The following HSP90AA1 variants were observed in gnomAD, a reference collection of about 807,000 sequenced individuals.
HSP90AA1 encodes the protein heat shock protein 90 alpha family class A member 1, also known as heat shock protein HSP 90-alpha.
Under a neutral mutation model 73.3 loss-of-function variants are expected in HSP90AA1, and 18 were observed. That is an observed-to-expected ratio of 0.25 (90% CI 0.17 to 0.36). HSP90AA1 has a LOEUF of 0.36. Ranked by LOEUF, HSP90AA1 falls within the 10% of genes least tolerant of loss-of-function variation. HSP90AA1 has a pLI of 1.00. For synonymous variants in HSP90AA1, 477 were observed against 296.9 expected (o/e 1.61, Z -6.24); for missense variants, 704 against 874.2 (o/e 0.81, Z 2.45).
intron 1 of HSP90AA1, among the ~76,000 whole-genome samples, chr14:102,135,483 C>T (rs929968139): frequency 6.6e-6 from 1 of 152,404 alleles, no homozygotes; most frequent in East Asian, 1.9e-4. Context: ...GCAGGTGGAG[C>T]TGCCTGCCAG....
chr14:102,134,992 G>C (rs1448035595), intron 1 of HSP90AA1, among the ~76,000 whole-genome samples: 2 of 150,378 alleles, frequency 1.3e-5, no homozygotes, highest in Non-Finnish European at 2.9e-5. Flanking sequence ...GTCCCCATCA[G>C]ATTAGTTAGA....
At chr14:102,110,982 T>A (rs1295337187) in intron 1 of HSP90AA1, among the ~76,000 whole-genome samples, 1 of 152,094 alleles carries the variant, frequency 6.6e-6, no homozygotes, top group Non-Finnish European at 1.5e-5. Flanking sequence ...CCTCCCAAAG[T>A]GCTGGGATTA....
At chr14:102,090,300 G>A (rs967040452), upstream of HSP90AA1, among the ~76,000 whole-genome samples, 14 of 152,248 alleles carry the variant, frequency 9.2e-5, no homozygotes, top group Non-Finnish European at 1.8e-4. Context: ...GTCCTGTCAT[G>A]GAGAGGTTCT....
At chr14:102,126,827 C>A (rs183421161) in intron 1 of HSP90AA1, among the ~76,000 whole-genome samples, 2 of 152,268 alleles carry the variant, frequency 1.3e-5, no homozygotes, top group South Asian at 2.1e-4. Flanking sequence ...TGCGCCCGGC[C>A]GACTAGATTC....
chr14:102,097,533 G>A (rs1173328776), intron 2 of HSP90AA1, among the ~76,000 whole-genome samples: 3 of 152,190 alleles, frequency 2.0e-5, no homozygotes, highest in Non-Finnish European at 4.4e-5. Context: ...CAATGCAAGA[G>A]CAGAGGCCTT....
intron 2 of HSP90AA1, 38 bp from the exon 3 acceptor site, chr14:102,086,162 C>G: frequency 2.5e-6 from 4 of 1,613,892 alleles, no homozygotes; most frequent in Non-Finnish European, 3.4e-6. Flanking sequence ...ATACAGCACC[C>G]CCAAGAAGTT....
At chr14:102,083,430 T>G (rs1459259750) in intron 8 of HSP90AA1, 116 bp downstream of exon 8, 4 of 1,414,678 alleles carry the variant, frequency 2.8e-6, no homozygotes, top group Middle Eastern at 1.8e-4. Flanking sequence ...TTCATGTTAA[T>G]TATCTTGCCT....
intron 1 of HSP90AA1, among the ~76,000 whole-genome samples, chr14:102,107,056 G>A (rs141519359): frequency 1.3e-5 from 2 of 152,168 alleles, no homozygotes; most frequent in East Asian, 3.9e-4. Flanking sequence ...CTTAGGGGAT[G>A]ATATACAGTG....
At position 102,082,063 on chromosome 14, in the gene HSP90AA1, G is replaced by A. The variant is rs372808144; in HGVS notation, c.2089+48C>T. 5.5e-6 allele frequency: 7 copies of A among 1,267,594 alleles called. No individual in the cohort carries two copies. In the South Asian group the frequency reaches 7.3e-5, roughly 13 times the overall value. 78.5% of individuals were successfully genotyped at this position (1,267,594 alleles called of 1,614,324 possible). A position where few individuals can be genotyped will look rare whatever the true frequency, so the allele number is the denominator to read the frequency against. On this transcript the variant is annotated intron_variant, in intron 10 of 10. Coordinates refer to ENST00000216281, the MANE Select transcript of HSP90AA1 (RefSeq NM_005348.4). The stretch of plus-strand genomic sequence containing the variant: ...CTGAAAGTTCACCATTTTCTTCAAT[G>A]TCACGTGTGTTTATTTTCTTTTTAA...
Position 102,106,055 on chromosome 14 carries a change from G to A in HSP90AA1, c.156-3970C>T, listed in dbSNP as rs775347968. Reference sequence around the variant, plus strand: ...GGTGCCACTGCACTCTAGCCTGGGCGACAGAGTGAGACTCCATCTCAAAAA... The same window carrying A: ...GGTGCCACTGCACTCTAGCCTGGGCAACAGAGTGAGACTCCATCTCAAAAA... On this transcript the variant is annotated intron_variant, in intron 1 of 11. Coordinates refer to the HSP90AA1 transcript ENST00000334701. Among the ~76,000 whole-genome samples the A allele has an allele frequency of 4.0e-5, 6 of 151,860 alleles. No individual in the cohort carries two copies. In the South Asian group the frequency reaches 8.3e-4, roughly 21 times the overall value.
At chr14:102,093,739 G>A (rs1272862394) in intron 2 of HSP90AA1, among the ~76,000 whole-genome samples, 1 of 152,090 alleles carries the variant, frequency 6.6e-6, no homozygotes, top group South Asian at 2.1e-4. Context: ...TTGGGAGGCC[G>A]AGGCGAGTGG....
At chr14:102,103,760 C>T (rs1446805209) in intron 1 of HSP90AA1, among the ~76,000 whole-genome samples, 1 of 150,048 alleles carries the variant, frequency 6.7e-6, no homozygotes, top group African/African-American at 2.5e-5. Flanking sequence ...GCCAAGATCG[C>T]ACCATTGCAC....
In HSP90AA1 at chr14:102,083,817, A is replaced by G. The variant is rs1447063110; in HGVS notation, c.1314T>C (p.Tyr438=). 2 of 1,613,254 alleles carry G rather than the reference A, an allele frequency of 1.2e-6. No homozygotes were observed. Among genetic ancestry groups the G allele is most frequent in the Non-Finnish European group, 1.7e-6 (2 of 1,179,806 alleles). Residue 438 remains tyrosine (Y), a synonymous_variant, in exon 7 of 11, where the codon TAT becomes TAC. Transcript: ENST00000216281. ...CCTTTATGTTTTTAGAGAACTGCTC[A>G]TAGAATTTCTTGTAGTTCTCTTTAT... ...AEDKENYKKF[Y]EQFSKNIKLG... is the part of the protein sequence containing the mutation.
intron 1 of HSP90AA1, 74 bp from the exon 2 acceptor site, chr14:102,086,452 C>G: frequency 6.6e-7 from 1 of 1,524,464 alleles, no homozygotes; most frequent in Non-Finnish European, 9.1e-7. Context: ...ATCGCGTTCT[C>G]CAAATATTTT....
chr14:102,135,704 G>T (rs1258976520), intron 1 of HSP90AA1, among the ~76,000 whole-genome samples: 1 of 152,272 alleles, frequency 6.6e-6, no homozygotes, highest in Admixed American at 6.5e-5. Flanking sequence ...CAGCGCCGGT[G>T]GGCCGGCACT....
intron 3 of HSP90AA1, 58 bp from the exon 4 acceptor site, chr14:102,085,489 G>T: frequency 6.8e-7 from 1 of 1,480,730 alleles, no homozygotes; most frequent in Non-Finnish European, 9.4e-7. Context: ...TCAACGCCAT[G>T]CCTAACACCC....
chr14:102,109,179 C>A (rs1368752559), intron 1 of HSP90AA1, among the ~76,000 whole-genome samples: 1 of 152,104 alleles, frequency 6.6e-6, no homozygotes, highest in Non-Finnish European at 1.5e-5. Context: ...TAGTTTTGTC[C>A]ATTTCTGAAC....
chr14:102,091,908 T>C (rs943862777), upstream of HSP90AA1, among the ~76,000 whole-genome samples: 9 of 152,136 alleles, frequency 5.9e-5, no homozygotes, highest in African/African-American at 1.7e-4. Flanking sequence ...ATTACAGGTG[T>C]GAGCCACCAC....
chr14:102,086,511 G>C (rs1385394500), intron 1 of HSP90AA1, 133 bp from the exon 2 acceptor site: 2 of 1,023,506 alleles, frequency 2.0e-6, no homozygotes, highest in Non-Finnish European at 3.1e-6. Flanking sequence ...GAAAATAGAA[G>C]GGCGGCTGAC....
Sources: allele counts gnomAD v4.1 joint callset (sites outside exome capture counted in the v4.1 genomes callset), GRCh38; gene constraint gnomAD v4.1.1; transcripts MANE v1.5; gene names NCBI Gene and HGNC (gene_info 2026-07-23, HGNC 2026-07-21).